The following DIAPH3 variants were observed in gnomAD, a reference collection of about 807,000 sequenced individuals.
DIAPH3 encodes the protein diaphanous related formin 3, also known as protein diaphanous homolog 3.
Under a neutral mutation model 144.3 loss-of-function variants are expected in DIAPH3, and 117 were observed. The ratio of observed to expected loss-of-function variants is 0.81; its 90% CI spans 0.70 to 0.95. The LOEUF is 0.95. Ranked by LOEUF, DIAPH3 falls within the 40% of genes least tolerant of loss-of-function variation. DIAPH3 has a pLI of 0.00. For missense variants in DIAPH3, 1,421 were observed against 1,412.7 expected, an observed-to-expected ratio of 1.01 and a Z score of -0.09; for synonymous variants, 519 against 488.9, an observed-to-expected ratio of 1.06 and a Z score of -0.81.
intron 17 of DIAPH3, among the ~76,000 whole-genome samples, chr13:59,968,800 T>A (rs1319081261): frequency 1.3e-5 from 2 of 152,208 alleles, no homozygotes; most frequent in African/African-American, 4.8e-5. Flanking sequence ...TTAAAATATC[T>A]GCCAGCATTC....
rs373664450 is a variant in DIAPH3 at position 59,949,421 on chromosome 13, G to A, written c.2074+20523C>T. 2.2e-3 allele frequency among the ~76,000 whole-genome samples: 338 copies of A among 152,198 alleles called. 2 individuals carry two copies. Among genetic ancestry groups the A allele is most frequent in the African/African-American group, 7.4e-3 (308 of 41,534 alleles). On this transcript the variant is annotated intron_variant, in intron 17 of 27. Transcript: ENST00000400324. ...ATATCTCTAGTCCTACTTGTGATTG[G>A]TGCTCCTTGTTGAAGGAAATCACAT... is the stretch of plus-strand genomic sequence containing the variant.
intron 24 of DIAPH3, among the ~76,000 whole-genome samples, chr13:59,821,229 CAGTT>C (rs2041054868): frequency 6.6e-6 from 1 of 151,952 alleles, no homozygotes; most frequent in African/African-American, 2.4e-5. Flanking sequence ...AGGGGAATGA[CAGTT>C]AGGTACTATG....
At chr13:59,828,753 T>C (rs577590240) in intron 24 of DIAPH3, among the ~76,000 whole-genome samples, 3 of 151,878 alleles carry the variant, frequency 2.0e-5, no homozygotes, top group East Asian at 3.9e-4. Flanking sequence ...CTGTTGATCA[T>C]GGTAACAAAA....
Position 59,942,422 on chromosome 13 carries a change from A to G in DIAPH3, c.2075-17552T>C, listed in dbSNP as rs1277153423. Among the ~76,000 whole-genome samples the G allele has an allele frequency of 2.6e-5, 4 of 152,168 alleles. 1 individual carries two copies. Among genetic ancestry groups the G allele is most frequent in the Non-Finnish European group, 5.9e-5 (4 of 68,006 alleles). ...AAGTTGCCTTTTTATTTTCTAGTTA[A>G]TACACATCAAAATATATAAGGATTT... On this transcript the variant is annotated intron_variant, in intron 17 of 27. Coordinates refer to ENST00000400324, the MANE Select transcript of DIAPH3 (RefSeq NM_001042517.2).
At chr13:60,053,159 GA>G (rs1334424974) in intron 4 of DIAPH3, among the ~76,000 whole-genome samples, 1 of 151,634 alleles carries the variant, frequency 6.6e-6, no homozygotes, top group Non-Finnish European at 1.5e-5. Context: ...AGAATAATCA[GA>G]AATACTCCTT....
At chr13:59,948,896 G>A (rs1437880595) in intron 17 of DIAPH3, among the ~76,000 whole-genome samples, 3 of 138,392 alleles carry the variant, frequency 2.2e-5, no homozygotes, top group Admixed American at 7.3e-5. Flanking sequence ...AAGGAAGGAA[G>A]GAAGGAAGGA....
chr13:59,680,436 G>A (rs2032877905), intron 27 of DIAPH3, among the ~76,000 whole-genome samples: 1 of 152,100 alleles, frequency 6.6e-6, no homozygotes, highest in East Asian at 1.9e-4. Flanking sequence ...TAACGAAGTT[G>A]GTTCTGACCT....
intron 6 of DIAPH3, 37 bp downstream of exon 6, chr13:60,016,034 T>G: frequency 1.2e-6 from 2 of 1,610,110 alleles, no homozygotes; most frequent in Non-Finnish European, 1.7e-6. Flanking sequence ...GACATATGAA[T>G]GATGCTTACT....
At position 59,666,287 on chromosome 13, in the gene DIAPH3, C is replaced by T; in HGVS notation, c.*297G>A. ...AAGGACACACTGCTGAACACATGGCCACCTACCTGCTCTCTAAAGCAATAT... is the reference window on the plus strand; with the variant it reads ...AAGGACACACTGCTGAACACATGGCTACCTACCTGCTCTCTAAAGCAATAT... On this transcript the variant is annotated 3_prime_UTR_variant, in exon 28 of 28. Coordinates refer to ENST00000400324, the MANE Select transcript of DIAPH3 (RefSeq NM_001042517.2). 1 of 309,514 alleles carries T rather than the reference C, an allele frequency of 3.2e-6. No homozygotes were observed. The highest frequency in any genetic ancestry group is 5.8e-6 in the Non-Finnish European group (1 of 171,448). 19.2% of individuals were successfully genotyped at this position (309,514 alleles called of 1,614,324 possible). A position where few individuals can be genotyped will look rare whatever the true frequency, so the allele number is the denominator to read the frequency against.
Position 59,840,657 on chromosome 13 carries a change from CTA to C in DIAPH3, c.2738-1211_2738-1210del, listed in dbSNP as rs150214329. ...TTTCTTATTTTAAAAAATTAGCAATCTAATTCTCAGATGCAACGTTTAAGGAG... is the reference window on the plus strand; with the variant it reads ...TTTCTTATTTTAAAAAATTAGCAATCATTCTCAGATGCAACGTTTAAGGAG... On this transcript the variant is annotated intron_variant, in intron 22 of 27. Transcript: ENST00000400324. 4.5e-3 allele frequency among the ~76,000 whole-genome samples: 684 copies of C among 152,130 alleles called. 9 individuals carry two copies. The highest frequency in any genetic ancestry group is 0.015 in the African/African-American group (603 of 41,516).
intron 22 of DIAPH3, 62 bp downstream of exon 22, chr13:59,861,345 A>G (rs2043571335): frequency 1.2e-6 from 2 of 1,611,948 alleles, no homozygotes; most frequent in Non-Finnish European, 1.7e-6. Flanking sequence ...TAAAAGGTAT[A>G]ATTTTCAGTC....
chr13:59,865,956 ACT>A (rs769795082), intron 21 of DIAPH3, among the ~76,000 whole-genome samples: 12 of 151,922 alleles, frequency 7.9e-5, no homozygotes, highest in Non-Finnish European at 1.5e-4. Flanking sequence ...CACATTAATA[ACT>A]CTACTCCGCA....
chr13:59,770,507 G>C (rs2038068764), intron 27 of DIAPH3, among the ~76,000 whole-genome samples: 1 of 152,100 alleles, frequency 6.6e-6, no homozygotes, highest in African/African-American at 2.4e-5. Context: ...GGGAAGACTA[G>C]GGTGTTACTA....
intron 18 of DIAPH3, among the ~76,000 whole-genome samples, chr13:59,916,702 T>C (rs2047241312): frequency 6.6e-6 from 1 of 152,168 alleles, no homozygotes; most frequent in African/African-American, 2.4e-5. Flanking sequence ...AAAAGTATTT[T>C]AAGAAAACTG....
intron 22 of DIAPH3, among the ~76,000 whole-genome samples, chr13:59,846,866 A>T (rs1566405899): frequency 6.6e-6 from 1 of 152,196 alleles, no homozygotes; most frequent in Non-Finnish European, 1.5e-5. Flanking sequence ...ACTTGAGGCC[A>T]GGGGTTTGAG....
At chr13:60,035,998 C>T (rs184710103) in intron 5 of DIAPH3, among the ~76,000 whole-genome samples, 2 of 152,222 alleles carry the variant, frequency 1.3e-5, no homozygotes, top group African/African-American at 2.4e-5. Flanking sequence ...CACTTCCTGT[C>T]AGACATACTT....
chr13:59,831,904 C>T (rs2041799458), intron 24 of DIAPH3, among the ~76,000 whole-genome samples: 1 of 151,760 alleles, frequency 6.6e-6, no homozygotes, highest in Admixed American at 6.6e-5. Context: ...TCATTTAATA[C>T]TGAAAACATT....
At chr13:60,159,658 T>C (rs1211156110) in intron 1 of DIAPH3, among the ~76,000 whole-genome samples, 1 of 151,744 alleles carries the variant, frequency 6.6e-6, no homozygotes, top group East Asian at 1.9e-4. Context: ...AAAGAATGTA[T>C]ACTCTGAAGC....
Position 59,830,195 on chromosome 13 carries a change from A to G in DIAPH3, c.3027+2912T>C, listed in dbSNP as rs541947229. Reference sequence around the variant, plus strand: ...TAAGAGATCAGAAGACCCTGACAAAACGAGACATTTATTTGTCAGGAGTTT... The same window carrying G: ...TAAGAGATCAGAAGACCCTGACAAAGCGAGACATTTATTTGTCAGGAGTTT... On this transcript the variant is annotated intron_variant, in intron 24 of 27. Transcript: ENST00000400324. Among the ~76,000 whole-genome samples, 5 of 151,936 alleles carry G rather than the reference A, an allele frequency of 3.3e-5. No homozygotes were observed. The South Asian group carries it at 1.0e-3, about 32-fold the overall frequency.
Sources: gnomAD v4.1 joint callset for allele counts (sites outside exome capture counted in the v4.1 genomes callset) on GRCh38, gnomAD v4.1.1 for gene constraint, MANE v1.5 for transcripts, NCBI Gene and HGNC (gene_info 2026-07-23, HGNC 2026-07-21) for gene names.